Variants in PLA2G10 observed in about 807,000 individuals in gnomAD.
PLA2G10 encodes the protein phospholipase A2 group X, also known as group 10 secretory phospholipase A2.
A neutral mutation model predicts 7.9 loss-of-function variants in PLA2G10; 9 were observed. The ratio of observed to expected loss-of-function variants is 1.14; its 90% CI spans 0.68 to 1.98. The LOEUF (loss-of-function observed/expected upper bound fraction) is 1.98, where lower values mean the gene tolerates loss of function less well. PLA2G10 is among the 30% of genes most tolerant of loss of function. The probability of loss-of-function intolerance (pLI) is 0.00; values close to 1 mark genes in which losing one functional copy is unlikely to be tolerated. For synonymous variants in PLA2G10, 19 were observed against 27.5 expected (o/e 0.69, Z 0.97); for missense variants, 53 against 65.4 (o/e 0.81, Z 0.66).
intron 3 of PLA2G10, among the ~76,000 whole-genome samples, chr16:14,687,787 G>A (rs981944898): frequency 1.3e-5 from 2 of 151,596 alleles, no homozygotes; most frequent in Non-Finnish European, 2.9e-5. Context: ...ACTTGAGGTG[G>A]GGAGTTTGAG....
chr16:14,673,048 C>T (rs1487983100), intron 3 of PLA2G10, among the ~76,000 whole-genome samples: 4 of 133,134 alleles, frequency 3.0e-5, no homozygotes, highest in Admixed American at 1.7e-4. Context: ...GAGATGGGGG[C>T]TTGCTCTGTC....
intron 3 of PLA2G10, among the ~76,000 whole-genome samples, chr16:14,681,009 A>G (rs1960874662): frequency 6.7e-6 from 1 of 148,972 alleles, no homozygotes; most frequent in Non-Finnish European, 1.5e-5. Flanking sequence ...TAAAAATACA[A>G]AAAAAAATTA....
At chr16:14,687,552 C>T (rs1314957645) in intron 3 of PLA2G10, among the ~76,000 whole-genome samples, 1 of 152,064 alleles carries the variant, frequency 6.6e-6, no homozygotes, top group Admixed American at 6.6e-5. Context: ...CTCAAGCGAT[C>T]CTCCTTCTGG....
intron 3 of PLA2G10, among the ~76,000 whole-genome samples, chr16:14,675,312 A>C (rs1309708100): frequency 6.6e-6 from 1 of 152,154 alleles, no homozygotes; most frequent in Non-Finnish European, 1.5e-5. Flanking sequence ...AACTCACCAT[A>C]TACATCAACT....
chr16:14,685,515 G>A (rs752126713), intron 3 of PLA2G10, among the ~76,000 whole-genome samples: 1 of 152,082 alleles, frequency 6.6e-6, no homozygotes, highest in Non-Finnish European at 1.5e-5. Context: ...AACCTGGTAA[G>A]TTTACCAGGT....
chr16:14,672,680 T>TGGGCTAAGCAGTTA lies in PLA2G10; in HGVS notation c.411_424dup (p.Gln142LeufsTer4). The TGGGCTAAGCAGTTA allele has an allele frequency of 6.2e-7, 1 of 1,614,122 alleles. No individual in the cohort carries two copies. Among genetic ancestry groups the TGGGCTAAGCAGTTA allele is most frequent in the Non-Finnish European group, 8.5e-7 (1 of 1,179,972 alleles). ...GAGGTACTTTAAGTTGTACTCAGTT[T>TGGGCTAAGCAGTTA]GGGCTAAGCAGTTAGCAATCTCCTG... is the stretch of plus-strand genomic sequence containing the variant. On this transcript the variant is annotated stop_gained and frameshift_variant, in exon 4 of 4. Transcript: ENST00000438167. LOFTEE classifies it high-confidence loss of function.
intron 3 of PLA2G10, among the ~76,000 whole-genome samples, chr16:14,676,510 C>T (rs1319390761): frequency 1.3e-5 from 2 of 152,128 alleles, no homozygotes; most frequent in East Asian, 3.9e-4. Flanking sequence ...GAAACCCCAT[C>T]TCTACTAAAA....
At chr16:14,678,819 C>G in intron 3 of PLA2G10, 1 of 319,480 alleles carries the variant, frequency 3.1e-6, no homozygotes, top group South Asian at 2.5e-5. Flanking sequence ...CAAAACCCTC[C>G]TTGGCTCCCC....
chr16:14,675,183 A>C (rs1000193000), intron 3 of PLA2G10, among the ~76,000 whole-genome samples: 4 of 151,980 alleles, frequency 2.6e-5, no homozygotes, highest in African/African-American at 9.7e-5. Context: ...AAAAAAAAAA[A>C]AAAACACTCA....
At chr16:14,687,069 T>C (rs1319833482) in intron 3 of PLA2G10, among the ~76,000 whole-genome samples, 1 of 151,072 alleles carries the variant, frequency 6.6e-6, no homozygotes, top group Non-Finnish European at 1.5e-5. Context: ...GAACATGCCA[T>C]TGCACTCCAG....
intron 3 of PLA2G10, among the ~76,000 whole-genome samples, chr16:14,685,728 G>A (rs1429203185): frequency 6.6e-6 from 1 of 151,788 alleles, no homozygotes; most frequent in East Asian, 1.9e-4. Context: ...AGAGTCCCAC[G>A]CTGTCGCCCA....
intron 3 of PLA2G10, among the ~76,000 whole-genome samples, chr16:14,675,203 A>T (rs917186131): frequency 6.6e-6 from 1 of 151,994 alleles, no homozygotes; most frequent in Non-Finnish European, 1.5e-5. Flanking sequence ...AAAAACATAA[A>T]TTGGGGAAAT....
In PLA2G10 at chr16:14,672,828, C is replaced by T. The variant is rs530932954; in HGVS notation, c.356-79G>A. 4.8e-4 allele frequency: 661 copies of T among 1,380,936 alleles called. 9 individuals are homozygous for T. In the South Asian group the frequency reaches 7.1e-3, roughly 15 times the overall value. The allele number at this position is 1,380,936 out of a possible 1,614,324, so 85.5% of individuals were successfully genotyped here. A position where few individuals can be genotyped will look rare whatever the true frequency, so the allele number is the denominator to read the frequency against. ...GAAACCAGTAAAGCAAGAGGCAGGA[C>T]GGGTCATAAATTACATTTCTGAGAC... On this transcript the variant is annotated intron_variant, in intron 3 of 3. Transcript: ENST00000438167.
chr16:14,673,035 T>C (rs910516121), intron 3 of PLA2G10, among the ~76,000 whole-genome samples: 36 of 149,776 alleles, frequency 2.4e-4, no homozygotes, highest in African/African-American at 4.9e-4. Flanking sequence ...TTTTTTTTTT[T>C]CTGAGATGGG....
chr16:14,685,909 G>T (rs570396956), intron 3 of PLA2G10, among the ~76,000 whole-genome samples: 7 of 151,092 alleles, frequency 4.6e-5, no homozygotes, highest in Admixed American at 4.0e-4. Flanking sequence ...TCCTGACCTC[G>T]TGATCCGCCC....
At chr16:14,675,922 G>A (rs117840835) in intron 3 of PLA2G10, among the ~76,000 whole-genome samples, 5,250 of 124,416 alleles carry the variant, frequency 0.042, 136 homozygotes, top group Non-Finnish European at 0.055. Flanking sequence ...CTAGGTGACA[G>A]AGCAAGACTC....
intron 3 of PLA2G10, among the ~76,000 whole-genome samples, chr16:14,683,374 A>G (rs1960948286): frequency 6.6e-6 from 1 of 151,880 alleles, no homozygotes; most frequent in Non-Finnish European, 1.5e-5. Flanking sequence ...CTGGGACTAC[A>G]GGAGCATGCT....
At chr16:14,684,492 C>A (rs1440512268) in intron 3 of PLA2G10, among the ~76,000 whole-genome samples, 1 of 151,758 alleles carries the variant, frequency 6.6e-6, no homozygotes, top group Non-Finnish European at 1.5e-5. Context: ...AGGGTGAAAC[C>A]CAGTCTCTAC....
At chr16:14,687,141 A>C (rs189783602) in intron 3 of PLA2G10, among the ~76,000 whole-genome samples, 227 of 151,782 alleles carry the variant, frequency 1.5e-3, no homozygotes, top group Middle Eastern at 3.4e-3. Flanking sequence ...AAAAACAAAC[A>C]AACAAAAAAA....
Sources: allele counts gnomAD v4.1 joint callset (sites outside exome capture counted in the v4.1 genomes callset), GRCh38; gene constraint gnomAD v4.1.1; transcripts MANE v1.5; gene names NCBI Gene and HGNC (gene_info 2026-07-23, HGNC 2026-07-21).